SLC24A3: variants seen among roughly 807,000 people sequenced by gnomAD.
SLC24A3 encodes solute carrier family 24 member 3.
SLC24A3 carries 28 observed loss-of-function variants against 75.8 expected under a neutral mutation model. The observed-to-expected ratio is 0.37, with a 90% CI of 0.27 to 0.51. SLC24A3 has a LOEUF of 0.51. SLC24A3 is among the 20% of genes least tolerant of loss of function. The pLI is 0.94. For missense variants in SLC24A3, 663 were observed against 847.8 expected (o/e 0.78, Z 2.71); for synonymous variants, 372 against 334.1 (o/e 1.11, Z -1.24).
chr20:19,382,094 C>T (rs1158349186), intron 2 of SLC24A3, among the ~76,000 whole-genome samples: 16 of 152,206 alleles, frequency 1.1e-4, no homozygotes, highest in Non-Finnish European at 2.9e-5. Context: ...CAGTTCTCAG[C>T]TGGGGACTAG....
chr20:19,522,396 G>A (rs1358347774), intron 3 of SLC24A3, among the ~76,000 whole-genome samples: 2 of 152,192 alleles, frequency 1.3e-5, no homozygotes, highest in Admixed American at 1.3e-4. Flanking sequence ...AACAAGGGAA[G>A]GATGAGATGT....
chr20:19,630,811 G>C (rs564207177), intron 6 of SLC24A3, among the ~76,000 whole-genome samples: 1 of 152,198 alleles, frequency 6.6e-6, no homozygotes, highest in Non-Finnish European at 1.5e-5. Flanking sequence ...GAGCAGGCCA[G>C]GATGAAAACA....
chr20:19,614,319 A>C (rs1166153939), intron 6 of SLC24A3, among the ~76,000 whole-genome samples: 6 of 152,244 alleles, frequency 3.9e-5, no homozygotes, highest in Admixed American at 3.9e-4. Flanking sequence ...ATACACTCAG[A>C]GTACTTAGAA....
intron 6 of SLC24A3, among the ~76,000 whole-genome samples, chr20:19,588,880 A>G (rs2031335023): frequency 2.0e-5 from 3 of 152,252 alleles, no homozygotes; most frequent in Non-Finnish European, 4.4e-5. Context: ...TAGGACTTTC[A>G]TATTCAGGTT....
At chr20:19,654,662 T>TTTTTA (rs2032245698) in intron 7 of SLC24A3, among the ~76,000 whole-genome samples, 1 of 148,674 alleles carries the variant, frequency 6.7e-6, no homozygotes, top group African/African-American at 2.5e-5. Flanking sequence ...TTTTTTTTTT[T>TTTTTA]TTTGAGATAG....
At chr20:19,480,161 G>A (rs1459054900) in intron 2 of SLC24A3, among the ~76,000 whole-genome samples, 1 of 152,182 alleles carries the variant, frequency 6.6e-6, no homozygotes, top group East Asian at 1.9e-4. Context: ...ACTGAAATGT[G>A]TTCAGTATGG....
chr20:19,715,118 C>T (rs1833609003), intron 15 of SLC24A3, among the ~76,000 whole-genome samples: 1 of 152,210 alleles, frequency 6.6e-6, no homozygotes, highest in Admixed American at 6.5e-5. Flanking sequence ...GAGCCTCTTC[C>T]TCTCTCCTAG....
At chr20:19,695,231 C>T (rs780160481) in intron 13 of SLC24A3, among the ~76,000 whole-genome samples, 16 of 152,102 alleles carry the variant, frequency 1.1e-4, no homozygotes, top group East Asian at 1.9e-4. Context: ...GTCAGGGTTC[C>T]GGGTGTAGGT....
chr20:19,536,685 C>T (rs1053554923), intron 3 of SLC24A3, among the ~76,000 whole-genome samples: 42 of 152,206 alleles, frequency 2.8e-4, no homozygotes, highest in African/African-American at 8.2e-4. Flanking sequence ...GAGATATAGA[C>T]CAATGGAACA....
chr20:19,264,645 C>T (rs1983103274), intron 1 of SLC24A3, among the ~76,000 whole-genome samples: 1 of 148,444 alleles, frequency 6.7e-6, no homozygotes, highest in South Asian at 2.1e-4. Flanking sequence ...AGGAGAATTG[C>T]TTGAACCTGG....
At chr20:19,303,958 G>A (rs1038592207) in intron 2 of SLC24A3, among the ~76,000 whole-genome samples, 12 of 152,240 alleles carry the variant, frequency 7.9e-5, no homozygotes, top group Middle Eastern at 3.4e-3. Flanking sequence ...AGGTTGGCCC[G>A]TGTTTCACAA....
intron 2 of SLC24A3, among the ~76,000 whole-genome samples, chr20:19,338,020 G>A (rs946482613): frequency 1.4e-4 from 22 of 152,170 alleles, no homozygotes; most frequent in African/African-American, 5.1e-4. Context: ...AGGATGGGAG[G>A]AGAAAAATCC....
In SLC24A3 at chr20:19,281,060, C is replaced by G; in HGVS notation, c.244C>G (p.Arg82Gly). 6.2e-7 allele frequency: 1 copy of G among 1,614,130 alleles called. No homozygotes were observed. Among genetic ancestry groups the G allele is most frequent in the East Asian group, 2.2e-5 (1 of 44,890 alleles). ...DTLTSEDAGLRNSKNCTEPAL... is the reference protein window; with the variant it reads ...DTLTSEDAGLGNSKNCTEPAL... The stretch of plus-strand genomic sequence containing the variant: ...TCTGACTTCCGAAGATGCCGGACTC[C>G]GGAACAGCAAGAACTGCACCGAACC... Residue 82 changes from arginine to glycine, a missense_variant, in exon 2 of 17, where the codon CGG becomes GGG. Physicochemically the swap from Arg to Gly is moderately radical, Grantham distance 125. Transcript: ENST00000328041.
chr20:19,453,128 C>T (rs545532214), intron 2 of SLC24A3, among the ~76,000 whole-genome samples: 5 of 152,154 alleles, frequency 3.3e-5, no homozygotes, highest in Middle Eastern at 6.8e-3. Context: ...TGCAGTGACC[C>T]GAGATCGCAC....
At chr20:19,310,082 T>G (rs183105387) in intron 2 of SLC24A3, among the ~76,000 whole-genome samples, 1 of 152,214 alleles carries the variant, frequency 6.6e-6, no homozygotes, top group Non-Finnish European at 1.5e-5. Flanking sequence ...GTGCCTGGTG[T>G]CTTCGTGGAG....
chr20:19,567,338 C>T (rs988603705), intron 3 of SLC24A3, among the ~76,000 whole-genome samples: 1 of 152,178 alleles, frequency 6.6e-6, no homozygotes, highest in African/African-American at 2.4e-5. Flanking sequence ...GAATTCTACA[C>T]AGCCATAAAA....
At chr20:19,666,170 G>A (rs756236425) in intron 8 of SLC24A3, among the ~76,000 whole-genome samples, 25 of 152,074 alleles carry the variant, frequency 1.6e-4, no homozygotes, top group Non-Finnish European at 2.5e-4. Context: ...GCTTAGCTGT[G>A]TCTTTCTACA....
At chr20:19,248,279 C>T (rs963292146) in intron 1 of SLC24A3, among the ~76,000 whole-genome samples, 5 of 152,080 alleles carry the variant, frequency 3.3e-5, no homozygotes, top group African/African-American at 4.8e-5. Context: ...CTGTGTGCCC[C>T]GCATCCCGTT....
intron 2 of SLC24A3, among the ~76,000 whole-genome samples, chr20:19,458,731 C>T (rs1477452671): frequency 1.3e-5 from 2 of 152,200 alleles, no homozygotes; most frequent in Non-Finnish European, 2.9e-5. Flanking sequence ...ATACATCCCA[C>T]ATTTTCTTTA....
Sources: gnomAD v4.1 joint callset for allele counts (sites outside exome capture counted in the v4.1 genomes callset) on GRCh38, gnomAD v4.1.1 for gene constraint, MANE v1.5 for transcripts, NCBI Gene and HGNC (gene_info 2026-07-23, HGNC 2026-07-21) for gene names.